The following NRXN1 variants were observed in gnomAD, a reference collection of about 807,000 sequenced individuals.
NRXN1 encodes the protein neurexin 1, also known as neurexin-1.
NRXN1 carries 39 observed loss-of-function variants against 150.9 expected under a neutral mutation model. The ratio of observed to expected loss-of-function variants is 0.26; its 90% confidence interval spans 0.20 to 0.34. The LOEUF is 0.34. NRXN1 is among the 10% of genes least tolerant of loss of function. The probability of loss-of-function intolerance (pLI) is 1.00; values close to 1 mark genes in which losing one functional copy is unlikely to be tolerated. For synonymous variants in NRXN1, 924 were observed against 757.0 expected, an observed-to-expected ratio of 1.22 and a Z score of -3.62; for missense variants, 1,815 against 1,949.9, an observed-to-expected ratio of 0.93 and a Z score of 1.30.
intron 17 of NRXN1, among the ~76,000 whole-genome samples, chr2:50,383,584 G>A (rs571680217): frequency 1.3e-5 from 2 of 152,214 alleles, no homozygotes; most frequent in African/African-American, 4.8e-5. Flanking sequence ...CCCTTCAATT[G>A]TGCATTGGCC....
intron 5 of NRXN1, among the ~76,000 whole-genome samples, chr2:50,794,193 G>A (rs930761732): frequency 5.9e-5 from 9 of 151,968 alleles, no homozygotes; most frequent in Admixed American, 2.0e-4. Flanking sequence ...TGTTACATCC[G>A]ACTGAAACAG....
intron 5 of NRXN1, among the ~76,000 whole-genome samples, chr2:50,855,213 G>C (rs1164336156): frequency 6.6e-6 from 1 of 151,804 alleles, no homozygotes; most frequent in East Asian, 1.9e-4. Context: ...ATTACTTCAA[G>C]TAGACTTCAT....
At chr2:50,702,103 G>GA (rs1163639450) in intron 5 of NRXN1, among the ~76,000 whole-genome samples, 1 of 151,892 alleles carries the variant, frequency 6.6e-6, no homozygotes, top group Admixed American at 6.6e-5. Flanking sequence ...GTATTCGAAG[G>GA]AAAAAATAAA....
chr2:49,941,852 A>C (rs1320440176), intron 22 of NRXN1, among the ~76,000 whole-genome samples: 1 of 152,200 alleles, frequency 6.6e-6, no homozygotes, highest in Non-Finnish European at 1.5e-5. Context: ...GAGATAGAAA[A>C]AAGAATGTCC....
chr2:50,599,200 T>C (rs910235411), intron 8 of NRXN1, among the ~76,000 whole-genome samples: 1 of 152,178 alleles, frequency 6.6e-6, no homozygotes, highest in Non-Finnish European at 1.5e-5. Context: ...ATGACTTATT[T>C]GCCCAAGGTC....
At chr2:50,122,820 C>T (rs770980966) in intron 18 of NRXN1, among the ~76,000 whole-genome samples, 8 of 152,258 alleles carry the variant, frequency 5.3e-5, no homozygotes, top group South Asian at 2.1e-4. Context: ...CCTAGTTATG[C>T]GATTCCCAGC....
intron 22 of NRXN1, among the ~76,000 whole-genome samples, chr2:49,933,795 C>T (rs924448336): frequency 2.0e-5 from 3 of 152,182 alleles, no homozygotes; most frequent in Admixed American, 1.3e-4. Flanking sequence ...ACTGAATCAG[C>T]AGCTGTCCCA....
chr2:50,052,081 A>G (rs1692805997), intron 21 of NRXN1, among the ~76,000 whole-genome samples: 1 of 151,968 alleles, frequency 6.6e-6, no homozygotes. Flanking sequence ...ATCAGAGTCA[A>G]TTTTCTTCAT....
At chr2:50,385,570 C>T (rs1051313588) in intron 17 of NRXN1, among the ~76,000 whole-genome samples, 3 of 152,138 alleles carry the variant, frequency 2.0e-5, no homozygotes, top group Admixed American at 1.3e-4. Context: ...GGAGTGGCAG[C>T]GTGCCATTTT....
At chr2:50,190,753 C>G (rs1047139937) in intron 18 of NRXN1, among the ~76,000 whole-genome samples, 3 of 151,592 alleles carry the variant, frequency 2.0e-5, no homozygotes, top group Non-Finnish European at 4.4e-5. Flanking sequence ...GCTGGGATTA[C>G]AGGCATGCGC....
At chr2:50,325,441 T>G (rs2076326446) in intron 17 of NRXN1, among the ~76,000 whole-genome samples, 1 of 152,212 alleles carries the variant, frequency 6.6e-6, no homozygotes, top group Non-Finnish European at 1.5e-5. Context: ...GGATGGGGAC[T>G]AAAATTTGCT....
At chr2:50,539,490 T>C (rs1479593136) in intron 9 of NRXN1, among the ~76,000 whole-genome samples, 1 of 152,098 alleles carries the variant, frequency 6.6e-6, no homozygotes, top group African/African-American at 2.4e-5. Context: ...ATGGGATCAT[T>C]TGAGGGTCAC....
intron 5 of NRXN1, among the ~76,000 whole-genome samples, chr2:50,629,037 A>G (rs1043311240): frequency 6.6e-6 from 1 of 151,760 alleles, no homozygotes; most frequent in Non-Finnish European, 1.5e-5. Context: ...CATTATTGGT[A>G]GGAACTATTT....
At chr2:49,978,074 ATC>A (rs1679299679) in intron 21 of NRXN1, among the ~76,000 whole-genome samples, 1 of 152,052 alleles carries the variant, frequency 6.6e-6, no homozygotes, top group African/African-American at 2.4e-5. Flanking sequence ...AGCCAGGAGA[ATC>A]GCTTGAACCA....
intron 8 of NRXN1, among the ~76,000 whole-genome samples, chr2:50,618,419 A>C (rs1007346860): frequency 5.3e-5 from 8 of 152,098 alleles, no homozygotes; most frequent in Admixed American, 1.3e-4. Flanking sequence ...TAATTTAATA[A>C]TTCATTCCTC....
chr2:50,630,641 A>T (rs1682125345), intron 5 of NRXN1, among the ~76,000 whole-genome samples: 1 of 151,778 alleles, frequency 6.6e-6, no homozygotes, highest in South Asian at 2.1e-4. Context: ...CAATATTATT[A>T]TTCTTGATTA....
At chr2:50,558,418 C>CA (rs1668554130) in intron 8 of NRXN1, among the ~76,000 whole-genome samples, 1 of 152,148 alleles carries the variant, frequency 6.6e-6, no homozygotes, top group African/African-American at 2.4e-5. Context: ...TGTCATTAGG[C>CA]AAAATGATAA....
chr2:50,908,071 G>C (rs921985533), intron 5 of NRXN1, among the ~76,000 whole-genome samples: 6 of 152,010 alleles, frequency 3.9e-5, no homozygotes, highest in Admixed American at 1.3e-4. Flanking sequence ...CACCTACTGA[G>C]CTATAAATCC....
Position 50,535,832 on chromosome 2 carries a change from GT to G in NRXN1, c.2143+2420del, listed in dbSNP as rs199852876. On this transcript the variant is annotated intron_variant, in intron 10 of 22. Coordinates refer to ENST00000401669, the MANE Select transcript of NRXN1 (RefSeq NM_001330078.2). ...TGCAATTGCAACATAATTTTTCCAT[GT>G]TGAACTTTCTAAATCCAAGGAGCTG... is the stretch of plus-strand genomic sequence containing the variant. 1.2e-3 allele frequency among the ~76,000 whole-genome samples: 181 copies of G among 152,082 alleles called. 1 individual carries two copies. The East Asian group carries it at 0.025, about 21-fold the overall frequency.
Sources: allele counts gnomAD v4.1 joint callset (sites outside exome capture counted in the v4.1 genomes callset), GRCh38; gene constraint gnomAD v4.1.1; transcripts MANE v1.5; gene names NCBI Gene and HGNC (gene_info 2026-07-23, HGNC 2026-07-21).